Variants in MED1 observed in about 807,000 individuals in gnomAD.
MED1 encodes mediator complex subunit 1, also known as mediator of RNA polymerase II transcription subunit 1.
A neutral mutation model predicts 121.3 loss-of-function variants in MED1; 17 were observed. That is an observed-to-expected ratio of 0.14 (90% CI 0.10 to 0.21). The LOEUF (loss-of-function observed/expected upper bound fraction) is 0.21. Among genes scored for constraint, MED1 ranks in the 10% least tolerant of loss-of-function variants. The pLI is 1.00. For synonymous variants in MED1, 661 were observed against 694.4 expected (o/e 0.95, Z 0.76); for missense variants, 1,558 against 1,919.4 (o/e 0.81, Z 3.52).
chr17:39,414,682 A>C (rs980935738), intron 16 of MED1, among the ~76,000 whole-genome samples: 3 of 114,406 alleles, frequency 2.6e-5, no homozygotes, highest in South Asian at 2.8e-4. Flanking sequence ...TTTACAACAA[A>C]AACAAAAACA....
chr17:39,409,863 A>G lies in MED1; in HGVS notation c.2358T>C (p.Ile786=), dbSNP rs748400354. ...GPDVTDILSD[I]AEEASKLPST... ...TGGGAAGTTTAGAAGCTTCTTCTGCAATGTCTGAAAGGATGTCAGTTACAT... is the reference window on the plus strand; with the variant it reads ...TGGGAAGTTTAGAAGCTTCTTCTGCGATGTCTGAAAGGATGTCAGTTACAT... The change falls in exon 17 of 17, where the codon ATT becomes ATC. Residue 786 remains isoleucine (I), a synonymous_variant. Transcript: ENST00000300651. 2 of 1,614,066 alleles carry G rather than the reference A, an allele frequency of 1.2e-6. No homozygotes were observed. Among genetic ancestry groups the G allele is most frequent in the African/African-American group, 2.7e-5 (2 of 74,924 alleles).
At chr17:39,414,681 A>G (rs949602327) in intron 16 of MED1, among the ~76,000 whole-genome samples, 2 of 123,268 alleles carry the variant, frequency 1.6e-5, no homozygotes, top group African/African-American at 6.4e-5. Flanking sequence ...TTTTACAACA[A>G]AAACAAAAAC....
intron 5 of MED1, 51 bp from the exon 6 acceptor site, chr17:39,439,244 TGAA>T (rs774487619): frequency 3.3e-5 from 48 of 1,439,648 alleles, no homozygotes; most frequent in Non-Finnish European, 4.3e-5. Flanking sequence ...TTAGCAACTT[TGAA>T]GATATCAAAA....
Position 39,408,041 on chromosome 17 carries a change from T to C in MED1, c.4180A>G (p.Ile1394Val), listed in dbSNP as rs776968486. 6.2e-7 allele frequency: 1 copy of C among 1,614,122 alleles called. No individual in the cohort carries two copies. The highest frequency in any genetic ancestry group is 8.5e-7 in the Non-Finnish European group (1 of 1,180,056). The change falls in exon 17 of 17, where the codon ATC becomes GTC. Residue 1394 changes from isoleucine to valine, a missense_variant. By Grantham distance (29) the Ile-to-Val change is conservative (BLOSUM62 3). Transcript: ENST00000300651. The surrounding 1 kb of genome is among the most constrained non-coding windows in gnomAD (Gnocchi z 4.7). ...GGGGAGCCTCCATCATGCTTACTGA[T>C]GATAATTTTTGCCACACCTGTGCTC... ...VGSTGVAKII[I>V]SKHDGGSPSI...
chr17:39,435,928 C>T (rs996958239), intron 6 of MED1, among the ~76,000 whole-genome samples: 2 of 151,994 alleles, frequency 1.3e-5, no homozygotes, highest in African/African-American at 2.4e-5. Context: ...AAAAATTAGC[C>T]GGGCATAATG....
chr17:39,410,829 C>A lies in MED1; in HGVS notation c.1500-108G>T, dbSNP rs1441960590. The A allele has an allele frequency of 4.1e-6, 6 of 1,447,830 alleles. No homozygotes were observed. In the Admixed American group the frequency reaches 1.5e-4, roughly 36 times the overall value. The allele number at this position is 1,447,830 out of a possible 1,614,324, so 89.7% of individuals were successfully genotyped here. A position where few individuals can be genotyped will look rare whatever the true frequency, so the allele number is the denominator to read the frequency against. ...TGCAGTAAGCAGTTTTCAGGTAGGG[C>A]AAATAATCTGTAAGACAAAAATAGT... is the stretch of plus-strand genomic sequence containing the variant. On this transcript the variant is annotated intron_variant, in intron 16 of 16. Transcript: ENST00000300651.
In MED1 at chr17:39,418,992, G is replaced by A. The variant is rs572810268; in HGVS notation, c.1297+725C>T. On this transcript the variant is annotated intron_variant, in intron 14 of 16. Transcript: ENST00000300651. ...TAGTAGAGACTGGGTTTCACTAGTTGGCCAGGATGGTCTCAATCTCTTGAC... is the reference window on the plus strand; with the variant it reads ...TAGTAGAGACTGGGTTTCACTAGTTAGCCAGGATGGTCTCAATCTCTTGAC... Among the ~76,000 whole-genome samples the A allele has an allele frequency of 2.6e-5, 4 of 152,064 alleles. No homozygotes were observed. The South Asian group carries it at 8.3e-4, about 32-fold the overall frequency.
In MED1 at chr17:39,407,002, C is replaced by T; in HGVS notation, c.*473G>A. Reference sequence around the variant, plus strand: ...TTCATTTGCCCATGACTCAAACGGACAACTACCTCAAACAAAGTTGAACAA... The same window carrying T: ...TTCATTTGCCCATGACTCAAACGGATAACTACCTCAAACAAAGTTGAACAA... On this transcript the variant is annotated 3_prime_UTR_variant, in exon 17 of 17. Transcript: ENST00000300651. 1.0e-6 allele frequency: 1 copy of T among 986,804 alleles called. No homozygotes were observed. Among genetic ancestry groups the T allele is most frequent in the African/African-American group, 1.7e-5 (1 of 57,358 alleles). The allele number at this position is 986,804 out of a possible 1,614,324, so 61.1% of individuals were successfully genotyped here. A position where few individuals can be genotyped will look rare whatever the true frequency, so the allele number is the denominator to read the frequency against.
chr17:39,438,660 G>A (rs1389427726), intron 6 of MED1, among the ~76,000 whole-genome samples: 1 of 151,980 alleles, frequency 6.6e-6, no homozygotes, highest in Non-Finnish European at 1.5e-5. Flanking sequence ...TTTTAATAGA[G>A]ATGGGGTTTC....
At chr17:39,441,700 G>A (rs2048676252) in intron 3 of MED1, among the ~76,000 whole-genome samples, 2 of 152,240 alleles carry the variant, frequency 1.3e-5, no homozygotes, top group South Asian at 2.1e-4. Flanking sequence ...AACCCGGTGG[G>A]GGCGCAGTGG....
At chr17:39,414,137 G>C in intron 16 of MED1, among the ~76,000 whole-genome samples, 1 of 150,606 alleles carries the variant, frequency 6.6e-6, no homozygotes, top group African/African-American at 2.4e-5. Flanking sequence ...TGAGGCAGGA[G>C]AATCACTTGA....
In MED1 at chr17:39,440,553, A is replaced by C. The variant is rs775830109; in HGVS notation, c.267-35T>G. 3.7e-6 allele frequency: 6 copies of C among 1,612,354 alleles called. No homozygotes were observed. Among genetic ancestry groups the C allele is most frequent in the East Asian group, 2.2e-5 (1 of 44,866 alleles). ...ACAAATCAAAACAAAAATTAATAGA[A>C]GACACATAAATAAAGCCACCCAAAG... On this transcript the variant is annotated intron_variant, in intron 4 of 16. Coordinates refer to ENST00000300651, the MANE Select transcript of MED1 (RefSeq NM_004774.4). This position sits in a 1 kb window ranked among gnomAD's most constrained non-coding sequence, Gnocchi z 4.1.
At position 39,407,107 on chromosome 17, in the gene MED1, T is replaced by C; in HGVS notation, c.*368A>G. 1.0e-6 allele frequency: 1 copy of C among 1,003,294 alleles called. No individual in the cohort carries two copies. The allele number at this position is 1,003,294 out of a possible 1,614,324, so 62.1% of individuals were successfully genotyped here. A position where few individuals can be genotyped will look rare whatever the true frequency, so the allele number is the denominator to read the frequency against. ...TTCATATACATGCACTAAAATGAGT[T>C]TAAAACATGGCCTAAAAATGGAAAA... On this transcript the variant is annotated 3_prime_UTR_variant, in exon 17 of 17. Coordinates refer to ENST00000300651, the MANE Select transcript of MED1 (RefSeq NM_004774.4).
chr17:39,409,100 T>C lies in MED1; in HGVS notation c.3121A>G (p.Lys1041Glu). The change falls in exon 17 of 17, where the codon AAA becomes GAA. Residue 1041 changes from lysine to glutamate, a missense_variant. Around this residue, in one of 5 missense-constraint regions of MED1, gnomAD observed 793 missense variants for 898.2 expected, o/e 0.88. Coordinates refer to ENST00000300651, the MANE Select transcript of MED1 (RefSeq NM_004774.4). The stretch of plus-strand genomic sequence containing the variant: ...GATCTTCCTGCACTGCCTGGCGATT[T>C]AGATCCACCTGTACTGGTAGGTGGG... ...FTPPTSTGGS[K>E]SPGSAGRSQT... 6.2e-7 allele frequency: 1 copy of C among 1,614,156 alleles called. No homozygotes were observed.
At chr17:39,413,339 C>T (rs1011036488) in intron 16 of MED1, among the ~76,000 whole-genome samples, 6 of 152,062 alleles carry the variant, frequency 3.9e-5, no homozygotes, top group African/African-American at 1.4e-4. Context: ...CTTGGCTCAC[C>T]GCAACCTCCG....
chr17:39,450,938 C>A (rs570575852), intron 1 of MED1, 100 bp downstream of exon 1: 19 of 998,496 alleles, frequency 1.9e-5, no homozygotes, highest in African/African-American at 3.2e-5. Flanking sequence ...GGACTCTATG[C>A]CCCTAAAGTG....
At position 39,404,344 on chromosome 17, in the gene MED1, C is replaced by T. The variant is rs571023599; in HGVS notation, c.*3131G>A. The T allele has an allele frequency of 1.2e-4, 19 of 152,018 alleles. No individual in the cohort carries two copies. Among genetic ancestry groups the T allele is most frequent in the African/African-American group, 3.6e-4 (15 of 41,418 alleles). 9.4% of individuals were successfully genotyped at this position (152,018 alleles called of 1,614,324 possible). A position where few individuals can be genotyped will look rare whatever the true frequency, so the allele number is the denominator to read the frequency against. On this transcript the variant is annotated 3_prime_UTR_variant, in exon 17 of 17. Transcript: ENST00000300651. ...ATAAACAGGTTATTTTGTAATGTTT[C>T]GGGAAAAAAATCCCACAACAGATTT...
In MED1 at chr17:39,408,802, G is replaced by A. The variant is rs774214279; in HGVS notation, c.3419C>T (p.Ser1140Phe). The A allele has an allele frequency of 2.5e-6, 4 of 1,613,984 alleles. No individual in the cohort carries two copies. Among genetic ancestry groups the A allele is most frequent in the Non-Finnish European group, 3.4e-6 (4 of 1,179,936 alleles). Residue 1140 changes from serine to phenylalanine, a missense_variant, in exon 17 of 17, where the codon TCT (serine) becomes TTT (phenylalanine). By Grantham distance (155) the Ser-to-Phe change is radical. Coordinates refer to ENST00000300651, the MANE Select transcript of MED1 (RefSeq NM_004774.4). This position sits in a 1 kb window ranked among gnomAD's most constrained non-coding sequence, Gnocchi z 4.7. The stretch of plus-strand genomic sequence containing the variant: ...CTGGGATGAATTTTTGGACTGGCTA[G>A]ATCCAGAAGACCCCTGGCTAGAATA... ...SMYSSQGSSG[S>F]SQSKNSSQSG...
chr17:39,434,076 T>C (rs796621103), intron 7 of MED1, among the ~76,000 whole-genome samples, 173 bp downstream of exon 7: 49 of 152,286 alleles, frequency 3.2e-4, no homozygotes, highest in African/African-American at 1.1e-3. Context: ...AGGTGCTGCC[T>C]ATTGAAGATA....
Sources: gnomAD v4.1 joint callset for allele counts (sites outside exome capture counted in the v4.1 genomes callset) on GRCh38, gnomAD v4.1.1 for gene constraint, gnomAD v4.1.1 regional missense constraint, Gnocchi (gnomAD v3.1) non-coding constraint, MANE v1.5 for transcripts, NCBI Gene and HGNC (gene_info 2026-07-23, HGNC 2026-07-21) for gene names.